Variants in PDE4D observed in about 807,000 individuals in gnomAD.
PDE4D encodes the protein 3',5'-cyclic-AMP phosphodiesterase 4D.
In PDE4D, 24 loss-of-function variants were observed where a neutral mutation model predicts 87.4. That is an observed-to-expected ratio of 0.27 (90% confidence interval 0.20 to 0.39). PDE4D has a LOEUF of 0.39. Among genes scored for constraint, PDE4D ranks in the 10% least tolerant of loss-of-function variants. The pLI, the probability that PDE4D is intolerant of heterozygous loss-of-function variation, is 1.00. For missense variants in PDE4D, 714 were observed against 1,041.0 expected (o/e 0.69, Z 4.32); for synonymous variants, 384 against 383.2 (o/e 1.00, Z -0.02).
intron 3 of PDE4D, among the ~76,000 whole-genome samples, chr5:59,962,277 G>C (rs910551636): frequency 6.6e-6 from 1 of 152,098 alleles, no homozygotes; most frequent in African/African-American, 2.4e-5. Flanking sequence ...CCCTTGGGTT[G>C]CTTGACAAGT....
At position 58,974,690 on chromosome 5, in the gene PDE4D, T is replaced by C. The variant is rs201517515; in HGVS notation, c.2404A>G (p.Ile802Val). 1.5e-4 allele frequency: 247 copies of C among 1,600,676 alleles called. No homozygotes were observed. The highest frequency in any genetic ancestry group is 1.9e-4 in the Non-Finnish European group (221 of 1,172,274). Residue 802 changes from isoleucine to valine, a missense_variant, in exon 15 of 15, where the codon ATA (isoleucine) becomes GTA (valine). Transcript: ENST00000340635. ...TACGTGTCAGGAGAACGATCATCTA[T>C]GACACAGGCTTCAGGCTGGCTTTCC... ...EEESQPEACVIDDRSPDT is the reference protein window; with the variant it reads ...EEESQPEACVVDDRSPDT
intron 6 of PDE4D, among the ~76,000 whole-genome samples, chr5:59,003,793 G>T (rs1751015625): frequency 6.6e-6 from 1 of 152,124 alleles, no homozygotes; most frequent in Admixed American, 6.5e-5. Context: ...GTGGATTGCG[G>T]GGTGAGAGGT....
intron 3 of PDE4D, chr5:59,986,283 T>G (rs1033435544): frequency 3.9e-5 from 6 of 152,552 alleles, no homozygotes; most frequent in Non-Finnish European, 8.8e-5. Context: ...CTCAAATTCA[T>G]GAGGTCAATC....
intron 1 of PDE4D, among the ~76,000 whole-genome samples, chr5:59,798,318 G>A (rs186685754): frequency 1.6e-4 from 24 of 151,046 alleles, no homozygotes; most frequent in African/African-American, 5.8e-4. Context: ...GAGACGAAGA[G>A]CAAAATTCAA....
At chr5:59,080,529 C>T (rs1256720305) in intron 5 of PDE4D, among the ~76,000 whole-genome samples, 3 of 152,132 alleles carry the variant, frequency 2.0e-5, no homozygotes, top group Admixed American at 6.5e-5. Context: ...CTACCAACAT[C>T]GTCATATTGC....
chr5:59,636,396 G>A (rs574564770), intron 1 of PDE4D, among the ~76,000 whole-genome samples: 3 of 152,206 alleles, frequency 2.0e-5, no homozygotes, highest in South Asian at 2.1e-4. Context: ...AATTTCATAT[G>A]GAACCAAAAG....
intron 2 of PDE4D, among the ~76,000 whole-genome samples, chr5:59,994,900 T>A (rs575111208): frequency 2.0e-5 from 3 of 152,332 alleles, no homozygotes; most frequent in East Asian, 1.9e-4. Flanking sequence ...ATTGAGCACC[T>A]ACTACCTTTG....
At chr5:59,358,788 G>A (rs1562026759) in intron 1 of PDE4D, among the ~76,000 whole-genome samples, 1 of 151,994 alleles carries the variant, frequency 6.6e-6, no homozygotes, top group African/African-American at 2.4e-5. Context: ...GGATGTTGCT[G>A]GCAAAGATGG....
chr5:59,647,142 G>A (rs1162144600), intron 1 of PDE4D, among the ~76,000 whole-genome samples: 1 of 152,102 alleles, frequency 6.6e-6, no homozygotes, highest in Non-Finnish European at 1.5e-5. Context: ...CATATTCACA[G>A]CCTTCAAGTT....
At chr5:59,296,549 C>T (rs1769138310) in intron 1 of PDE4D, among the ~76,000 whole-genome samples, 1 of 152,158 alleles carries the variant, frequency 6.6e-6, no homozygotes, top group African/African-American at 2.4e-5. Flanking sequence ...TACCTACTGT[C>T]CACTGGGTAC....
At chr5:59,112,590 A>T (rs1055116147) in intron 5 of PDE4D, among the ~76,000 whole-genome samples, 1 of 152,140 alleles carries the variant, frequency 6.6e-6, no homozygotes, top group Non-Finnish European at 1.5e-5. Context: ...AGGCTTCAGG[A>T]GTTCTAATGT....
At chr5:59,638,170 T>C (rs1740916835) in intron 1 of PDE4D, among the ~76,000 whole-genome samples, 1 of 152,180 alleles carries the variant, frequency 6.6e-6, no homozygotes, top group African/African-American at 2.4e-5. Flanking sequence ...GTCTAATCAG[T>C]TGGGTTTATT....
At chr5:59,717,862 T>C (rs955752287) in intron 1 of PDE4D, among the ~76,000 whole-genome samples, 4 of 152,218 alleles carry the variant, frequency 2.6e-5, no homozygotes, top group African/African-American at 9.6e-5. Context: ...ACCCTACTTT[T>C]ATAATCCCCA....
chr5:59,403,182 T>C (rs887560216), intron 1 of PDE4D, among the ~76,000 whole-genome samples: 11 of 127,980 alleles, frequency 8.6e-5, no homozygotes, highest in South Asian at 2.7e-4. Context: ...GACAGATAGA[T>C]AGATAGATTG....
At chr5:59,275,464 T>A in intron 1 of PDE4D, 3 of 1,564,366 alleles carry the variant, frequency 1.9e-6, no homozygotes, top group Non-Finnish European at 2.6e-6. Context: ...ATTCTAACTG[T>A]CTTTCTGCAA....
At chr5:60,160,904 T>C (rs1782420871) in intron 2 of PDE4D, 1 of 400,716 alleles carries the variant, frequency 2.5e-6, no homozygotes, top group Non-Finnish European at 4.9e-6. Context: ...TTTTTTTAAT[T>C]CTAGGAAAAC....
chr5:60,078,283 C>G (rs1478262542), intron 2 of PDE4D, among the ~76,000 whole-genome samples: 3 of 152,154 alleles, frequency 2.0e-5, no homozygotes, highest in Non-Finnish European at 4.4e-5. Context: ...AAATTAAAAT[C>G]CTCTCTTCTT....
intron 5 of PDE4D, among the ~76,000 whole-genome samples, chr5:59,098,255 T>G (rs1280874106): frequency 6.6e-6 from 1 of 152,188 alleles, no homozygotes; most frequent in Admixed American, 6.5e-5. Context: ...CCCAAGCTAG[T>G]TGGTAAGCTA....
At chr5:59,778,853 A>G (rs1764330536) in intron 1 of PDE4D, among the ~76,000 whole-genome samples, 1 of 152,224 alleles carries the variant, frequency 6.6e-6, no homozygotes, top group Non-Finnish European at 1.5e-5. Flanking sequence ...ATCTACTAAA[A>G]TTCTACATTG....
Sources: allele counts gnomAD v4.1 joint callset (sites outside exome capture counted in the v4.1 genomes callset), GRCh38; gene constraint gnomAD v4.1.1; transcripts MANE v1.5; gene names NCBI Gene and HGNC (gene_info 2026-07-23, HGNC 2026-07-21).